Variants in TMEM87A observed in about 807,000 individuals in gnomAD.
TMEM87A encodes Golgi-pH regulating cation channel.
A neutral mutation model predicts 90.0 loss-of-function variants in TMEM87A; 50 were observed. The observed-to-expected ratio is 0.56, with a 90% CI of 0.44 to 0.70. TMEM87A has a LOEUF of 0.70. TMEM87A is among the 30% of genes least tolerant of loss of function. TMEM87A has a pLI of 0.00. For missense variants in TMEM87A, 577 were observed against 660.5 expected, an observed-to-expected ratio of 0.87 and a Z score of 1.39; for synonymous variants, 226 against 226.7, an observed-to-expected ratio of 1.00 and a Z score of 0.03.
At chr15:42,239,059 T>C (rs2050826498) in intron 8 of TMEM87A, among the ~76,000 whole-genome samples, 1 of 152,044 alleles carries the variant, frequency 6.6e-6, no homozygotes. Flanking sequence ...TAATTTTTTG[T>C]TGTTGAGACA....
At chr15:42,261,375 C>T in intron 4 of TMEM87A, 126 bp from the exon 5 acceptor site, 2 of 634,316 alleles carry the variant, frequency 3.2e-6, no homozygotes, top group Middle Eastern at 4.2e-4. Context: ...AATAACACAG[C>T]ATCAGTAGAC....
intron 6 of TMEM87A, 94 bp downstream of exon 6, chr15:42,260,864 A>T: frequency 7.4e-7 from 1 of 1,356,984 alleles, no homozygotes; most frequent in Non-Finnish European, 1.0e-6. Context: ...TTCTTTTCAA[A>T]TATTAGCATA....
chr15:42,233,657 C>T (rs572335309), intron 10 of TMEM87A, among the ~76,000 whole-genome samples: 3 of 152,286 alleles, frequency 2.0e-5, no homozygotes, highest in Admixed American at 2.0e-4. Flanking sequence ...CCCCTTTCCA[C>T]CCTTTCATAT....
At chr15:42,220,884 C>G (rs1044753432) in intron 15 of TMEM87A, among the ~76,000 whole-genome samples, 1 of 152,156 alleles carries the variant, frequency 6.6e-6, no homozygotes, top group African/African-American at 2.4e-5. Flanking sequence ...CTCCGCCTCC[C>G]GGGTTCACAC....
intron 8 of TMEM87A, among the ~76,000 whole-genome samples, chr15:42,239,099 A>G (rs747469385): frequency 3.0e-4 from 45 of 152,116 alleles, no homozygotes; most frequent in Non-Finnish European, 5.9e-4. Flanking sequence ...GCTGGAGTGC[A>G]GTGGCAAGAT....
chr15:42,211,560 C>A lies in TMEM87A; in HGVS notation c.*148G>T. The A allele has an allele frequency of 1.4e-6, 1 of 726,604 alleles. No individual in the cohort carries two copies. Among genetic ancestry groups the A allele is most frequent in the South Asian group, 2.1e-5 (1 of 48,262 alleles). 45.0% of individuals were successfully genotyped at this position (726,604 alleles called of 1,614,324 possible). ...GTAAGATGTTCTCTTTGTTCTGACA[C>A]CTCTCGCCAACTCCAATGCCCAAAG... On this transcript the variant is annotated 3_prime_UTR_variant, in exon 20 of 20. Coordinates refer to ENST00000389834, the MANE Select transcript of TMEM87A (RefSeq NM_015497.5).
At position 42,210,893 on chromosome 15, in the gene TMEM87A, C is replaced by T. The variant is rs752624369; in HGVS notation, c.*815G>A. On this transcript the variant is annotated 3_prime_UTR_variant, in exon 20 of 20. Coordinates refer to ENST00000389834, the MANE Select transcript of TMEM87A (RefSeq NM_015497.5). Reference sequence around the variant, plus strand: ...CCTCTCTGCATAAAGGCAAACAAAACATTGCCTAAGGACCCTGCAATGCCA... The same window carrying T: ...CCTCTCTGCATAAAGGCAAACAAAATATTGCCTAAGGACCCTGCAATGCCA... The T allele has an allele frequency of 2.6e-5, 4 of 152,660 alleles. No homozygotes were observed. Among genetic ancestry groups the T allele is most frequent in the Admixed American group, 2.6e-4 (4 of 15,286 alleles). The allele number at this position is 152,660 out of a possible 1,614,324, so 9.5% of individuals were successfully genotyped here.
chr15:42,226,922 G>A lies in TMEM87A; in HGVS notation c.1300-13C>T. 6.2e-7 allele frequency: 1 copy of A among 1,612,092 alleles called. No individual in the cohort carries two copies. Among genetic ancestry groups the A allele is most frequent in the Non-Finnish European group, 8.5e-7 (1 of 1,178,370 alleles). ...GCTCCCGCCAGTCCTACAATACAGG[G>A]GAGAAGTACAACATTTATACACATT... On this transcript the variant is annotated splice_polypyrimidine_tract_variant and intron_variant, in intron 14 of 19. Transcript: ENST00000389834.
intron 4 of TMEM87A, among the ~76,000 whole-genome samples, chr15:42,262,984 T>C (rs1266789926): frequency 1.3e-5 from 2 of 152,224 alleles, no homozygotes; most frequent in African/African-American, 4.8e-5. Context: ...GTATGATTAT[T>C]CACATCTCCC....
chr15:42,212,429 T>A (rs141298902), intron 19 of TMEM87A, among the ~76,000 whole-genome samples: 2 of 152,330 alleles, frequency 1.3e-5, no homozygotes, highest in African/African-American at 4.8e-5. Flanking sequence ...AGATAATCTA[T>A]AGATGTTTCC....
chr15:42,223,454 C>T (rs2050533362), intron 15 of TMEM87A, among the ~76,000 whole-genome samples: 1 of 152,120 alleles, frequency 6.6e-6, no homozygotes, highest in Admixed American at 6.6e-5. Context: ...ATGTCTGTCC[C>T]CTCCAAAACT....
intron 6 of TMEM87A, among the ~76,000 whole-genome samples, chr15:42,246,058 T>C (rs1336851302): frequency 6.6e-6 from 1 of 152,210 alleles, no homozygotes; most frequent in African/African-American, 2.4e-5. Context: ...TAGCTCCCCA[T>C]TTCTTCCTCT....
At chr15:42,230,698 A>C (rs2050671827) in intron 12 of TMEM87A, among the ~76,000 whole-genome samples, 1 of 152,186 alleles carries the variant, frequency 6.6e-6, no homozygotes, top group Admixed American at 6.5e-5. Flanking sequence ...GCAAGAAAAC[A>C]CTCACTCCAT....
intron 1 of TMEM87A, 137 bp downstream of exon 1, chr15:42,273,118 T>A: frequency 9.0e-7 from 1 of 1,109,008 alleles, no homozygotes; most frequent in Non-Finnish European, 1.3e-6. Flanking sequence ...GGGTCCCAGT[T>A]GGCTAGCCAC....
At chr15:42,255,936 A>ATT (rs10632070) in intron 6 of TMEM87A, among the ~76,000 whole-genome samples, 128,390 of 140,590 alleles carry the variant, frequency 0.91, 59,469 homozygotes, top group Non-Finnish European at 0.99. Flanking sequence ...CACCCAGCTA[A>ATT]TTTTTTTTTT....
chr15:42,267,923 ACT>A (rs2051437538), intron 3 of TMEM87A, 22 bp downstream of exon 3: 1 of 1,586,242 alleles, frequency 6.3e-7, no homozygotes, highest in African/African-American at 1.4e-5. Context: ...GTCCAAAAAA[ACT>A]CTGTAATTTT....
intron 19 of TMEM87A, among the ~76,000 whole-genome samples, chr15:42,215,776 G>A (rs895911672): frequency 1.3e-5 from 2 of 152,154 alleles, no homozygotes; most frequent in African/African-American, 4.8e-5. Flanking sequence ...GAACCCCTGT[G>A]CATTGCTGGT....
At position 42,267,978 on chromosome 15, in the gene TMEM87A, G is replaced by C; in HGVS notation, c.260C>G (p.Ala87Gly). The change falls in exon 3 of 20, where the codon GCT becomes GGT. Residue 87 changes from alanine (A) to glycine (G), a missense_variant. Ala to Gly is a moderately conservative substitution (Grantham distance 60). Coordinates refer to ENST00000389834, the MANE Select transcript of TMEM87A (RefSeq NM_015497.5). Reference sequence around the variant, plus strand: ...GTTATAGATTTCATTGTAACAATCAGCGCTTTTCAGATACCAGGTTATATT... The same window carrying C: ...GTTATAGATTTCATTGTAACAATCACCGCTTTTCAGATACCAGGTTATATT... Reference protein sequence around the residue: ...SLNITWYLKSADCYNEIYNFK... With the variant: ...SLNITWYLKSGDCYNEIYNFK... 1 of 1,613,538 alleles carries C rather than the reference G, an allele frequency of 6.2e-7. No individual in the cohort carries two copies. Among genetic ancestry groups the C allele is most frequent in the Non-Finnish European group, 8.5e-7 (1 of 1,179,762 alleles).
rs776017106 is a variant in TMEM87A at position 42,211,454 on chromosome 15, T to A, written c.*254A>T. On this transcript the variant is annotated 3_prime_UTR_variant, in exon 20 of 20. Transcript: ENST00000389834. ...CACTTAAGTTGCATGAACATCCATG[T>A]CAGAGTCTGGGAGGAAAGGGGGCAG... 97 of 397,084 alleles carry A rather than the reference T, an allele frequency of 2.4e-4. No homozygotes were observed. The highest frequency in any genetic ancestry group is 1.8e-3 in the African/African-American group (89 of 48,798). The allele number at this position is 397,084 out of a possible 1,614,324, so 24.6% of individuals were successfully genotyped here.
Sources: gnomAD v4.1 joint callset for allele counts (sites outside exome capture counted in the v4.1 genomes callset) on GRCh38, gnomAD v4.1.1 for gene constraint, MANE v1.5 for transcripts, NCBI Gene and HGNC (gene_info 2026-07-23, HGNC 2026-07-21) for gene names.